The following COL5A1 variants were observed in gnomAD, a reference collection of about 807,000 sequenced individuals.
COL5A1 encodes collagen alpha-1(V) chain.
COL5A1 carries 16 observed loss-of-function variants against 263.7 expected under a neutral mutation model. The ratio of observed to expected loss-of-function variants is 0.06; its 90% CI spans 0.04 to 0.09. The LOEUF is 0.09. Ranked by LOEUF, COL5A1 falls within the 10% of genes least tolerant of loss-of-function variation. The pLI, the probability that COL5A1 is intolerant of heterozygous loss-of-function variation, is 1.00. For synonymous variants in COL5A1, 1,012 were observed against 1,004.5 expected (o/e 1.01, Z -0.14); for missense variants, 2,036 against 2,540.5 (o/e 0.80, Z 4.27).
chr9:134,795,183 G>T, intron 33 of COL5A1, 57 bp downstream of exon 33: 2 of 1,613,130 alleles, frequency 1.2e-6, no homozygotes, highest in East Asian at 2.2e-5. Context: ...GGTTTAGGGA[G>T]CACGTGCCAG....
At chr9:134,690,843 A>T in intron 1 of COL5A1, 69 bp from the exon 2 acceptor site, 14 of 1,590,814 alleles carry the variant, frequency 8.8e-6, no homozygotes, top group Non-Finnish European at 1.1e-5. Flanking sequence ...CTGTCATCCC[A>T]GCTTCCGGGT....
In COL5A1 at chr9:134,680,840, G is replaced by A. The variant is rs1412841386; in HGVS notation, c.110-10072G>A. Among the ~76,000 whole-genome samples the A allele has an allele frequency of 2.0e-5, 3 of 152,178 alleles. No individual in the cohort carries two copies. Among genetic ancestry groups the A allele is most frequent in the Non-Finnish European group, 4.4e-5 (3 of 68,024 alleles). On this transcript the variant is annotated intron_variant, in intron 1 of 65. Coordinates refer to ENST00000371817, the MANE Select transcript of COL5A1 (RefSeq NM_000093.5). This position sits in a 1 kb window ranked among gnomAD's most constrained non-coding sequence, Gnocchi z 5.9. ...AGTTGGACGTTGATGGGAGCTTTTA[G>A]GTGGGTGCATGGAACCTGCTTTGGC...
rs553196685 is a variant in COL5A1 at position 134,762,056 on chromosome 9, G to A, written c.1989+78G>A. ...ATTTGGGCAGGAAAACCACAGAAGA[G>A]AGGCCCAGGTGTGGGATTGGCCTGC... On this transcript the variant is annotated intron_variant, in intron 19 of 65. Coordinates refer to ENST00000371817, the MANE Select transcript of COL5A1 (RefSeq NM_000093.5). 2.1e-5 allele frequency: 31 copies of A among 1,493,288 alleles called. No individual in the cohort carries two copies. In the East Asian group the frequency reaches 7.0e-4, roughly 34 times the overall value. 92.5% of individuals were successfully genotyped at this position (1,493,288 alleles called of 1,614,324 possible). A position where few individuals can be genotyped will look rare whatever the true frequency, so the allele number is the denominator to read the frequency against.
Position 134,818,636 on chromosome 9 carries a change from T to C in COL5A1, c.4231-20T>C. ...GAGCCTAGAGCTCCGGACCTCATTC[T>C]GCCCTCCGCCGTCCTGCAGGGAGAA... is the stretch of plus-strand genomic sequence containing the variant. On this transcript the variant is annotated intron_variant, in intron 54 of 65. Transcript: ENST00000371817. The surrounding 1 kb of genome is among the most constrained non-coding windows in gnomAD (Gnocchi z 6.0). 1 of 1,588,734 alleles carries C rather than the reference T, an allele frequency of 6.3e-7. No homozygotes were observed. Among genetic ancestry groups the C allele is most frequent in the South Asian group, 1.1e-5 (1 of 88,880 alleles).
rs773529525 is a variant in COL5A1, at chr9:134,642,688, C to A, written c.109+392C>A. Among the ~76,000 whole-genome samples the A allele has an allele frequency of 2.0e-5, 3 of 152,204 alleles. No individual in the cohort carries two copies. Among genetic ancestry groups the A allele is most frequent in the Non-Finnish European group, 4.4e-5 (3 of 68,010 alleles). On this transcript the variant is annotated intron_variant, in intron 1 of 65. Coordinates refer to ENST00000371817, the MANE Select transcript of COL5A1 (RefSeq NM_000093.5). The surrounding 1 kb of genome is among the most constrained non-coding windows in gnomAD (Gnocchi z 4.5). ...CAGCAGAACTTCCTCTGCTCCAAAC[C>A]GGGCAGGGCCGCCCCCTAGAGTTAC...
intron 37 of COL5A1, among the ~76,000 whole-genome samples, chr9:134,800,522 A>G (rs1838069393): frequency 6.6e-6 from 1 of 152,178 alleles, no homozygotes; most frequent in Non-Finnish European, 1.5e-5. Context: ...AGATGGGCGG[A>G]TCACCTGAGG....
intron 4 of COL5A1, among the ~76,000 whole-genome samples, chr9:134,717,245 GA>G (rs1834295280): frequency 6.8e-6 from 1 of 147,136 alleles, no homozygotes; most frequent in Non-Finnish European, 1.5e-5. Flanking sequence ...GTGTCTGTCA[GA>G]ATCCGCCGGG....
chr9:134,658,018 G>A (rs1832077780), intron 1 of COL5A1, among the ~76,000 whole-genome samples: 4 of 151,956 alleles, frequency 2.6e-5, no homozygotes, highest in Admixed American at 1.3e-4. Flanking sequence ...GCTGGCTATG[G>A]CGGACTGCAC....
intron 2 of COL5A1, chr9:134,691,560 T>C (rs1191881389): frequency 5.8e-6 from 1 of 170,962 alleles, no homozygotes; most frequent in East Asian, 1.6e-4. Flanking sequence ...GAGAGTCAAC[T>C]GCTAAATGCC....
At chr9:134,779,393 G>A (rs1373726305) in intron 27 of COL5A1, among the ~76,000 whole-genome samples, 1 of 152,250 alleles carries the variant, frequency 6.6e-6, no homozygotes, top group African/African-American at 2.4e-5. Context: ...TGTTCAGCAG[G>A]GAGGTGGGAT....
At chr9:134,837,959 G>T (rs1839903357) in intron 65 of COL5A1, among the ~76,000 whole-genome samples, 1 of 152,170 alleles carries the variant, frequency 6.6e-6, no homozygotes. Context: ...TGGCATAGCT[G>T]CACCTTGAAT....
intron 4 of COL5A1, among the ~76,000 whole-genome samples, chr9:134,710,376 A>G (rs1833980510): frequency 6.6e-6 from 1 of 152,220 alleles, no homozygotes. Context: ...AGGGGTGTGA[A>G]GGGTCTACAA....
At chr9:134,819,375 C>T (rs556209674) in intron 57 of COL5A1, among the ~76,000 whole-genome samples, 5 of 152,350 alleles carry the variant, frequency 3.3e-5, no homozygotes, top group African/African-American at 7.2e-5. Flanking sequence ...CTGGGCTGAG[C>T]GGCCCCAGAT....
Position 134,722,946 on chromosome 9 carries a change from G to C in COL5A1, c.655-4320G>C, listed in dbSNP as rs191168116. Among the ~76,000 whole-genome samples the C allele has an allele frequency of 2.5e-4, 38 of 152,230 alleles. No individual in the cohort carries two copies. In the East Asian group the frequency reaches 6.4e-3, roughly 26 times the overall value. ...GAAGGTGTGAAATGCTGAGGGCTGC[G>C]CTAATCAGGGCCCCACTCTTGCTTC... On this transcript the variant is annotated intron_variant, in intron 4 of 65. Coordinates refer to ENST00000371817, the MANE Select transcript of COL5A1 (RefSeq NM_000093.5).
At position 134,678,807 on chromosome 9, in the gene COL5A1, C is replaced by T. The variant is rs1432329301; in HGVS notation, c.110-12105C>T. ...GGGTGAAGGGGCTGGAGCTAAATGCCGTTGGAACTGGGTGGCCCCTGAAGT... is the reference window on the plus strand; with the variant it reads ...GGGTGAAGGGGCTGGAGCTAAATGCTGTTGGAACTGGGTGGCCCCTGAAGT... On this transcript the variant is annotated intron_variant, in intron 1 of 65. Coordinates refer to ENST00000371817, the MANE Select transcript of COL5A1 (RefSeq NM_000093.5). This position sits in a 1 kb window ranked among gnomAD's most constrained non-coding sequence, Gnocchi z 5.5. 2.6e-5 allele frequency among the ~76,000 whole-genome samples: 4 copies of T among 152,208 alleles called. No individual in the cohort carries two copies. Among genetic ancestry groups the T allele is most frequent in the African/African-American group, 7.2e-5 (3 of 41,450 alleles).
intron 17 of COL5A1, 67 bp downstream of exon 17, chr9:134,756,885 T>G (rs1224547633): frequency 6.8e-7 from 1 of 1,470,770 alleles, no homozygotes; most frequent in African/African-American, 1.4e-5. Flanking sequence ...GTTGATGATG[T>G]AACCAAAATG....
At chr9:134,773,287 G>A (rs1022607694) in intron 26 of COL5A1, among the ~76,000 whole-genome samples, 2 of 152,210 alleles carry the variant, frequency 1.3e-5, no homozygotes, top group African/African-American at 4.8e-5. Context: ...GCGGCTTGTG[G>A]TTCCTCCTGC....
intron 32 of COL5A1, among the ~76,000 whole-genome samples, chr9:134,793,317 C>T (rs1837783837): frequency 6.6e-6 from 1 of 152,102 alleles, no homozygotes; most frequent in Non-Finnish European, 1.5e-5. Flanking sequence ...ACTGTCCACT[C>T]CTTCCTAAGG....
chr9:134,826,759 C>T (rs1839290158), intron 63 of COL5A1, among the ~76,000 whole-genome samples: 1 of 130,042 alleles, frequency 7.7e-6, no homozygotes, highest in African/African-American at 3.4e-5. Context: ...GTGTGTGTGG[C>T]TGGTGTGTGG....
Sources: gnomAD v4.1 joint callset for allele counts (sites outside exome capture counted in the v4.1 genomes callset) on GRCh38, gnomAD v4.1.1 for gene constraint, Gnocchi (gnomAD v3.1) non-coding constraint, MANE v1.5 for transcripts, NCBI Gene and HGNC (gene_info 2026-07-23, HGNC 2026-07-21) for gene names.